The following KCNIP1 variants were observed in gnomAD, a reference collection of about 807,000 sequenced individuals.
The protein encoded by KCNIP1 is potassium voltage-gated channel interacting protein 1.
KCNIP1 carries 18 observed loss-of-function variants against 33.0 expected under a neutral mutation model. The ratio of observed to expected loss-of-function variants is 0.55; its 90% CI spans 0.38 to 0.81. KCNIP1 has a LOEUF of 0.81. Ranked by LOEUF, KCNIP1 falls within the 30% of genes least tolerant of loss-of-function variation. KCNIP1 has a pLI of 0.00. For missense variants in KCNIP1, 238 were observed against 271.6 expected (o/e 0.88, Z 0.87); for synonymous variants, 93 against 98.3 (o/e 0.95, Z 0.32).
intron 1 of KCNIP1, among the ~76,000 whole-genome samples, chr5:170,410,502 GC>G (rs1694259591): frequency 7.0e-6 from 1 of 142,480 alleles, no homozygotes; most frequent in African/African-American, 2.8e-5. Flanking sequence ...AGGAAGGCTG[GC>G]TTTTTTTTTT....
chr5:170,484,452 G>A (rs571601365), intron 1 of KCNIP1, among the ~76,000 whole-genome samples: 30 of 152,236 alleles, frequency 2.0e-4, no homozygotes, highest in African/African-American at 6.7e-4. Context: ...GCCCTCCATC[G>A]CACGTTGGGG....
intron 1 of KCNIP1, among the ~76,000 whole-genome samples, chr5:170,525,646 C>A (rs983758511): frequency 6.6e-6 from 1 of 152,232 alleles, no homozygotes; most frequent in Non-Finnish European, 1.5e-5. Context: ...ACTCAGACTG[C>A]AGTGTTGCAG....
Position 170,692,805 on chromosome 5 carries a change from T to C in KCNIP1, c.62-25953T>C, listed in dbSNP as rs549142239. Among the ~76,000 whole-genome samples the C allele has an allele frequency of 2.0e-5, 3 of 152,334 alleles. No homozygotes were observed. In the East Asian group the frequency reaches 5.8e-4, roughly 29 times the overall value. ...TATGCTTATATGTTGGTTAAACAAA[T>C]GCATGAATGTTGAGCAAATCAGAAA... On this transcript the variant is annotated intron_variant, in intron 1 of 7. Transcript: ENST00000328939.
At chr5:170,404,785 T>C (rs756852658) in intron 1 of KCNIP1, among the ~76,000 whole-genome samples, 12 of 152,198 alleles carry the variant, frequency 7.9e-5, no homozygotes, top group Non-Finnish European at 1.5e-4. Flanking sequence ...AACTACAAAA[T>C]ATTGTGGCCA....
intron 1 of KCNIP1, among the ~76,000 whole-genome samples, chr5:170,581,495 G>A (rs906693869): frequency 2.6e-5 from 4 of 152,198 alleles, no homozygotes; most frequent in Non-Finnish European, 5.9e-5. Flanking sequence ...ATATTCTGAG[G>A]CCATATCTGG....
At chr5:170,501,406 G>A (rs1196157007), upstream of KCNIP1, among the ~76,000 whole-genome samples, 1 of 152,180 alleles carries the variant, frequency 6.6e-6, no homozygotes, top group Non-Finnish European at 1.5e-5. Context: ...GGGTCAGGGA[G>A]GATTTGTAGA....
intron 1 of KCNIP1, among the ~76,000 whole-genome samples, chr5:170,462,727 G>A (rs544416334): frequency 6.6e-6 from 1 of 152,188 alleles, no homozygotes; most frequent in African/African-American, 2.4e-5. Context: ...CGTGGAACCA[G>A]CCCAAATGCA....
At chr5:170,410,316 C>G (rs1405362476) in intron 1 of KCNIP1, among the ~76,000 whole-genome samples, 1 of 149,690 alleles carries the variant, frequency 6.7e-6, no homozygotes, top group Non-Finnish European at 1.5e-5. Flanking sequence ...ATCGCAGACA[C>G]AGTGAAGGTG....
chr5:170,478,332 G>A (rs2113156284), intron 1 of KCNIP1, among the ~76,000 whole-genome samples: 1 of 152,334 alleles, frequency 6.6e-6, no homozygotes, highest in South Asian at 2.1e-4. Flanking sequence ...CTTAGGAAAA[G>A]GATGCATGTT....
chr5:170,378,605 G>T, intron 1 of KCNIP1: 1 of 1,235,070 alleles, frequency 8.1e-7, no homozygotes, highest in Non-Finnish European at 1.1e-6. Flanking sequence ...AGAGTGGGAG[G>T]GCAGGTGGAG....
intron 1 of KCNIP1, among the ~76,000 whole-genome samples, chr5:170,716,828 A>G (rs1763659611): frequency 6.6e-6 from 1 of 152,260 alleles, no homozygotes; most frequent in Non-Finnish European, 1.5e-5. Context: ...AGGAAGATCA[A>G]GGAATTAAGT....
intron 1 of KCNIP1, among the ~76,000 whole-genome samples, chr5:170,705,498 C>T (rs1213167641): frequency 6.6e-6 from 1 of 152,292 alleles, no homozygotes; most frequent in Non-Finnish European, 1.5e-5. Flanking sequence ...TCCTTAGTGG[C>T]CATCAGTTGT....
chr5:170,624,727 G>GGGGGGGGT (rs1287768242), intron 1 of KCNIP1, among the ~76,000 whole-genome samples: 24 of 97,430 alleles, frequency 2.5e-4, no homozygotes, highest in South Asian at 9.8e-4. Context: ...AGGAGACCGG[G>GGGGGGGGT]GAGGTGGGGG....
intron 1 of KCNIP1, among the ~76,000 whole-genome samples, chr5:170,646,397 C>T (rs1760787100): frequency 6.6e-6 from 1 of 152,042 alleles, no homozygotes. Context: ...TAAGCCATGA[C>T]CAAGTGAGAT....
rs571142828 is a variant in KCNIP1, at chr5:170,543,127, C to T, written c.61+38494C>T. Among the ~76,000 whole-genome samples, 14 of 152,254 alleles carry T rather than the reference C, an allele frequency of 9.2e-5. No individual in the cohort carries two copies. In the South Asian group the frequency reaches 1.0e-3, roughly 11 times the overall value. ...CCCTGCCTTCGTGACCTAATCACCC[C>T]GCAGATGCTCCACCTCTCAACACCA... On this transcript the variant is annotated intron_variant, in intron 1 of 7. Transcript: ENST00000328939.
At chr5:170,526,641 C>A (rs188144962) in intron 1 of KCNIP1, among the ~76,000 whole-genome samples, 1 of 152,026 alleles carries the variant, frequency 6.6e-6, no homozygotes, top group African/African-American at 2.4e-5. Flanking sequence ...GCTTCTTATC[C>A]CCCTGCCTTT....
intron 1 of KCNIP1, among the ~76,000 whole-genome samples, chr5:170,372,987 C>CT (rs969370862): frequency 1.3e-5 from 2 of 152,184 alleles, no homozygotes; most frequent in African/African-American, 4.8e-5. Flanking sequence ...GGAGATGCAG[C>CT]TGGCCTGGGA....
chr5:170,388,115 C>T (rs1764559937), intron 1 of KCNIP1, among the ~76,000 whole-genome samples: 1 of 152,218 alleles, frequency 6.6e-6, no homozygotes, highest in African/African-American at 2.4e-5. Flanking sequence ...AAGGCAGGAA[C>T]CTGGTTTTAC....
At chr5:170,584,087 A>G (rs998877842) in intron 1 of KCNIP1, among the ~76,000 whole-genome samples, 4 of 152,172 alleles carry the variant, frequency 2.6e-5, no homozygotes, top group African/African-American at 9.7e-5. Context: ...GGGTTGTGCT[A>G]ACTAAATTAA....
Sources: allele counts gnomAD v4.1 joint callset (sites outside exome capture counted in the v4.1 genomes callset), GRCh38; gene constraint gnomAD v4.1.1; transcripts MANE v1.5; gene names NCBI Gene and HGNC (gene_info 2026-07-23, HGNC 2026-07-21).